Variants in BCKDHB observed in about 807,000 individuals in gnomAD.
BCKDHB encodes branched chain keto acid dehydrogenase E1 subunit beta, also known as 2-oxoisovalerate dehydrogenase subunit beta, mitochondrial.
BCKDHB carries 41 observed loss-of-function variants against 48.5 expected under a neutral mutation model. That is an observed-to-expected ratio of 0.85 (90% CI 0.66 to 1.10). BCKDHB has a LOEUF of 1.10. Among genes scored for constraint, BCKDHB ranks in the 50% least tolerant of loss-of-function variants. The pLI is 0.00. For missense variants in BCKDHB, 496 were observed against 494.2 expected, an observed-to-expected ratio of 1.00 and a Z score of -0.03; for synonymous variants, 201 against 174.8, an observed-to-expected ratio of 1.15 and a Z score of -1.18.
chr6:80,138,322 T>TAA (rs1770998827), intron 3 of BCKDHB, among the ~76,000 whole-genome samples: 4 of 152,148 alleles, frequency 2.6e-5, no homozygotes, highest in Admixed American at 2.6e-4. Context: ...CTTTAAGTTT[T>TAA]AGGGTACATA....
intron 8 of BCKDHB, among the ~76,000 whole-genome samples, chr6:80,241,193 A>G (rs1776373179): frequency 6.6e-6 from 1 of 152,138 alleles, no homozygotes; most frequent in Admixed American, 6.6e-5. Context: ...ATGGATTCGA[A>G]CATCCTCCTT....
intron 9 of BCKDHB, among the ~76,000 whole-genome samples, chr6:80,339,004 T>TAAA (rs57128019): frequency 1.7e-5 from 2 of 119,342 alleles, no homozygotes; most frequent in South Asian, 2.7e-4. Flanking sequence ...AACCTTGCCA[T>TAAA]AAAAAAAAAA....
At chr6:80,138,926 A>C (rs1056015527) in intron 3 of BCKDHB, among the ~76,000 whole-genome samples, 73 of 152,316 alleles carry the variant, frequency 4.8e-4, no homozygotes, top group African/African-American at 1.7e-3. Context: ...GCAACAGTGT[A>C]AAAGTGTTCC....
At chr6:80,148,190 A>G (rs1771579467) in intron 3 of BCKDHB, among the ~76,000 whole-genome samples, 1 of 152,180 alleles carries the variant, frequency 6.6e-6, no homozygotes. Flanking sequence ...GCCATCTGAT[A>G]CTGACCAAAC....
At chr6:80,148,954 AC>A (rs1244308580) in intron 3 of BCKDHB, among the ~76,000 whole-genome samples, 1 of 152,194 alleles carries the variant, frequency 6.6e-6, no homozygotes, top group Non-Finnish European at 1.5e-5. Context: ...GCAACAAAAA[AC>A]CAAAATTGAC....
At chr6:80,390,623 G>A in the BCKDHB span, among the ~76,000 whole-genome samples, 1 of 152,166 alleles carries the variant, frequency 6.6e-6, no homozygotes, top group Admixed American at 6.5e-5. Context: ...TTGGGTTGGG[G>A]ATTGGTGCGT....
At chr6:80,280,983 C>T (rs1778169053) in intron 9 of BCKDHB, among the ~76,000 whole-genome samples, 1 of 151,760 alleles carries the variant, frequency 6.6e-6, no homozygotes, top group Admixed American at 6.6e-5. Context: ...AATAGAGGTG[C>T]AGTTTCACTG....
intron 8 of BCKDHB, among the ~76,000 whole-genome samples, chr6:80,204,695 A>C (rs1382763461): frequency 6.6e-6 from 1 of 152,090 alleles, no homozygotes; most frequent in Non-Finnish European, 1.5e-5. Flanking sequence ...TACCTTAAAC[A>C]TTCAAAAAGC....
intron 1 of BCKDHB, among the ~76,000 whole-genome samples, chr6:80,116,108 G>A (rs1769690687): frequency 6.6e-6 from 1 of 152,114 alleles, no homozygotes; most frequent in African/African-American, 2.4e-5. Context: ...TCTGCTCTTG[G>A]CCTTATTTAT....
At chr6:80,206,106 A>G (rs562697724) in intron 8 of BCKDHB, among the ~76,000 whole-genome samples, 250 of 152,162 alleles carry the variant, frequency 1.6e-3, no homozygotes, top group Non-Finnish European at 2.5e-3. Context: ...AAATATCTGG[A>G]AAGTGAAGCT....
At chr6:80,202,500 A>T (rs566824839) in intron 7 of BCKDHB, among the ~76,000 whole-genome samples, 2 of 152,068 alleles carry the variant, frequency 1.3e-5, no homozygotes, top group East Asian at 3.9e-4. Flanking sequence ...TGTGAGTTCT[A>T]TTCCCACTAA....
chr6:80,182,256 G>T (rs1773446985), intron 6 of BCKDHB, among the ~76,000 whole-genome samples: 2 of 152,184 alleles, frequency 1.3e-5, no homozygotes, highest in Admixed American at 6.5e-5. Context: ...AAGGTGTTCA[G>T]TCAACTGACA....
At position 80,343,951 on chromosome 6, in the gene BCKDHB, A is replaced by G; in HGVS notation, c.*147A>G. On this transcript the variant is annotated 3_prime_UTR_variant, in exon 10 of 10. Transcript: ENST00000320393. ...TAAAAGGCAACTTTCAGAAGAAAAT[A>G]ATGTGCTTTAGAAAAAAAATTCAAA... The G allele has an allele frequency of 9.8e-7, 1 of 1,016,152 alleles. No individual in the cohort carries two copies. Among genetic ancestry groups the G allele is most frequent in the Non-Finnish European group, 1.5e-6 (1 of 664,606 alleles). 62.9% of individuals were successfully genotyped at this position (1,016,152 alleles called of 1,614,324 possible).
intron 1 of BCKDHB, among the ~76,000 whole-genome samples, chr6:80,124,317 G>T (rs892516652): frequency 6.6e-6 from 1 of 152,148 alleles, no homozygotes; most frequent in Non-Finnish European, 1.5e-5. Flanking sequence ...TTCCAGTTAT[G>T]TGGTCAATTT....
At chr6:80,327,308 A>G (rs1769080827) in intron 9 of BCKDHB, among the ~76,000 whole-genome samples, 1 of 152,246 alleles carries the variant, frequency 6.6e-6, no homozygotes, top group South Asian at 2.1e-4. Flanking sequence ...TGAATATTTC[A>G]TGTAATTTAT....
At position 80,177,342 on chromosome 6, in the gene BCKDHB, G is replaced by T. The variant is rs149125522; in HGVS notation, c.742+5952G>T. 1.8e-3 allele frequency among the ~76,000 whole-genome samples: 268 copies of T among 151,038 alleles called. 1 individual carries two copies. The highest frequency in any genetic ancestry group is 6.1e-3 in the African/African-American group (250 of 41,126). On this transcript the variant is annotated intron_variant, in intron 6 of 9. Transcript: ENST00000320393. The stretch of plus-strand genomic sequence containing the variant: ...CAAAGTTGAAGAAAAACAACAGAAG[G>T]TTTAAAAAGAAAAATATAATAAAAA...
chr6:80,213,710 G>A (rs1451115841), intron 8 of BCKDHB, among the ~76,000 whole-genome samples: 2 of 150,104 alleles, frequency 1.3e-5, no homozygotes, highest in African/African-American at 4.9e-5. Flanking sequence ...AAATGATAGA[G>A]AAAATATCTT....
intron 6 of BCKDHB, among the ~76,000 whole-genome samples, chr6:80,187,492 A>G (rs1324326913): frequency 1.3e-5 from 2 of 152,154 alleles, no homozygotes; most frequent in Non-Finnish European, 2.9e-5. Flanking sequence ...GTCAGCTGAT[A>G]TTTAGCCAGT....
chr6:80,343,530 A>T, intron 9 of BCKDHB, 134 bp from the exon 10 acceptor site: 1 of 988,286 alleles, frequency 1.0e-6, no homozygotes, highest in Non-Finnish European at 1.5e-6. Flanking sequence ...TTTTCATATT[A>T]CAGTATACTT....
Sources: gnomAD v4.1 joint callset for allele counts (sites outside exome capture counted in the v4.1 genomes callset) on GRCh38, gnomAD v4.1.1 for gene constraint, MANE v1.5 for transcripts, NCBI Gene and HGNC (gene_info 2026-07-23, HGNC 2026-07-21) for gene names.